The following ZNF821 variants were observed in gnomAD, a reference collection of about 807,000 sequenced individuals.
ZNF821 encodes zinc finger protein 821.
Under a neutral mutation model 44.3 loss-of-function variants are expected in ZNF821, and 16 were observed. That is an observed-to-expected ratio of 0.36 (90% confidence interval 0.24 to 0.55). ZNF821 has a LOEUF of 0.55. ZNF821 is among the 20% of genes least tolerant of loss of function. ZNF821 has a pLI of 0.86. For synonymous variants in ZNF821, 204 were observed against 197.6 expected, an observed-to-expected ratio of 1.03 and a Z score of -0.27; for missense variants, 436 against 547.6, an observed-to-expected ratio of 0.80 and a Z score of 2.03.
In ZNF821 at chr16:71,879,813, C is replaced by T. The variant is rs568142428; in HGVS notation, c.40+94G>A. ...TTTACATTTAAACTTTTCTTCTTCA[C>T]AAATTAGCGTGAGCTTCTCCCCTAA... On this transcript the variant is annotated intron_variant, in intron 3 of 7. Coordinates refer to ENST00000425432, the MANE Select transcript of ZNF821 (RefSeq NM_001201552.2). 9.1e-4 allele frequency: 1,099 copies of T among 1,201,596 alleles called. 2 individuals are homozygous for T. The highest frequency in any genetic ancestry group is 1.2e-3 in the Non-Finnish European group (1,035 of 861,006). The allele number at this position is 1,201,596 out of a possible 1,614,324, so 74.4% of individuals were successfully genotyped here.
At chr16:71,893,029 CTTT>C (rs1199482590) in intron 1 of ZNF821, among the ~76,000 whole-genome samples, 3 of 65,904 alleles carry the variant, frequency 4.6e-5, no homozygotes, top group Non-Finnish European at 2.6e-5. Flanking sequence ...CCCTGCCTGG[CTTT>C]TTTTTTTTTT....
At position 71,865,068 on chromosome 16, in the gene ZNF821, C is replaced by T. The variant is rs1172534382; in HGVS notation, c.167-20G>A. On this transcript the variant is annotated intron_variant, in intron 4 of 7. Transcript: ENST00000425432. The stretch of plus-strand genomic sequence containing the variant: ...TGTCACCTGGAACACACAAACTGGT[C>T]ACTTGTTCTGATTTTTGCATGAATA... The T allele has an allele frequency of 1.2e-6, 2 of 1,614,002 alleles. No homozygotes were observed. The highest frequency in any genetic ancestry group is 8.5e-7 in the Non-Finnish European group (1 of 1,179,902).
At chr16:71,887,259 CTTTT>C (rs60449301), upstream of ZNF821, among the ~76,000 whole-genome samples, 1 of 124,876 alleles carries the variant, frequency 8.0e-6, no homozygotes, top group Admixed American at 9.0e-5. Flanking sequence ...TATATTCAAC[CTTTT>C]TTTTTTTTTT....
intron 4 of ZNF821, 57 bp from the exon 5 acceptor site, chr16:71,865,105 G>A: frequency 6.2e-7 from 1 of 1,603,448 alleles, no homozygotes; most frequent in Non-Finnish European, 8.5e-7. Context: ...ATCCTGAGCT[G>A]CTCTCCACCC....
At chr16:71,892,026 C>T (rs1315293157) in intron 1 of ZNF821, among the ~76,000 whole-genome samples, 2 of 115,614 alleles carry the variant, frequency 1.7e-5, no homozygotes, top group Non-Finnish European at 3.5e-5. Context: ...AAAAAATTAG[C>T]TGGACTTGGT....
chr16:71,873,333 A>C (rs1286517347), intron 3 of ZNF821, among the ~76,000 whole-genome samples: 1 of 152,120 alleles, frequency 6.6e-6, no homozygotes, highest in East Asian at 1.9e-4. Flanking sequence ...AAAAAAAAAA[A>C]ACTGTACTCA....
intron 1 of ZNF821, among the ~76,000 whole-genome samples, chr16:71,892,571 AT>A (rs986384229): frequency 3.8e-3 from 471 of 122,434 alleles, no homozygotes; most frequent in Middle Eastern, 5.7e-3. Context: ...CCCGGCCAAA[AT>A]TTTTTTTTTT....
intron 3 of ZNF821, among the ~76,000 whole-genome samples, chr16:71,873,639 G>T (rs2035467011): frequency 6.6e-6 from 1 of 151,994 alleles, no homozygotes; most frequent in Non-Finnish European, 1.5e-5. Context: ...TACAGCAGTG[G>T]GATTCTTTTT....
chr16:71,860,266 G>A lies in ZNF821; in HGVS notation c.991C>T (p.Arg331Trp), dbSNP rs1597116376. Residue 331 changes from arginine to tryptophan, a missense_variant, in exon 8 of 8, where the codon CGG becomes TGG. Arg to Trp is a moderately radical substitution (Grantham distance 101, BLOSUM62 -3). Transcript: ENST00000425432. The surrounding 1 kb of genome is among the most constrained non-coding windows in gnomAD (Gnocchi z 7.3). ...QRDREAMRLK[R>W]ANETPEKRQA... is the part of the protein sequence containing the mutation. ...CGCTTTTCCGGGGTTTCATTGGCCCGCTTCAGCCTCATGGCCTCCCGATCC... is the reference window on the plus strand; with the variant it reads ...CGCTTTTCCGGGGTTTCATTGGCCCACTTCAGCCTCATGGCCTCCCGATCC... 6.2e-7 allele frequency: 1 copy of A among 1,613,986 alleles called. No individual in the cohort carries two copies.
Position 71,859,833 on chromosome 16 carries a change from C to A in ZNF821, c.*185G>T, listed in dbSNP as rs2033628319. 7 of 674,128 alleles carry A rather than the reference C, an allele frequency of 1.0e-5. No individual in the cohort carries two copies. The highest frequency in any genetic ancestry group is 1.7e-5 in the Non-Finnish European group (7 of 410,802). 41.8% of individuals were successfully genotyped at this position (674,128 alleles called of 1,614,324 possible). ...TGTCCAGAGCTGCCTTGAGCCAGGT[C>A]CCTCCTGACCCCATCATCCTGTTCC... is the stretch of plus-strand genomic sequence containing the variant. On this transcript the variant is annotated 3_prime_UTR_variant, in exon 8 of 8. Transcript: ENST00000425432.
Position 71,893,029 on chromosome 16 carries a change from C to CTTTTTTT in ZNF821, n.448+1853_448+1859dup, listed in dbSNP as rs1199482590. Among the ~76,000 whole-genome samples, 26 of 65,918 alleles carry CTTTTTTT rather than the reference C, an allele frequency of 3.9e-4. 4 individuals carry two copies. The highest frequency in any genetic ancestry group is 6.2e-4 in the African/African-American group (10 of 16,032). 43.2% of individuals were successfully genotyped at this position (65,918 alleles called of 152,430 possible). A position where few individuals can be genotyped will look rare whatever the true frequency, so the allele number is the denominator to read the frequency against. ...TACAGGCATGAGCCACCCTGCCTGGCTTTTTTTTTTTTTTTTTTGAGATAT... is the reference window on the plus strand; with the variant it reads ...TACAGGCATGAGCCACCCTGCCTGGCTTTTTTTTTTTTTTTTTTTTTTTTTGAGATAT... On this transcript the variant is annotated intron_variant and non_coding_transcript_variant, in intron 1 of 2. Coordinates refer to the ZNF821 transcript ENST00000561700.
intron 1 of ZNF821, among the ~76,000 whole-genome samples, chr16:71,892,537 C>T (rs1392366621): frequency 2.7e-5 from 4 of 148,800 alleles, no homozygotes; most frequent in East Asian, 2.0e-4. Context: ...CAAAGTGCTG[C>T]GATTACAGGT....
At chr16:71,863,823 G>C (rs886094226) in intron 6 of ZNF821, among the ~76,000 whole-genome samples, 4 of 151,970 alleles carry the variant, frequency 2.6e-5, no homozygotes, top group Admixed American at 2.0e-4. Context: ...ACAGCATCCC[G>C]AGTAGCTGGG....
chr16:71,868,375 G>C (rs771186560), intron 3 of ZNF821, among the ~76,000 whole-genome samples: 49 of 152,220 alleles, frequency 3.2e-4, no homozygotes, highest in Non-Finnish European at 6.5e-4. Flanking sequence ...ATAGAGGCAA[G>C]AAGGGGCAAA....
chr16:71,892,342 C>T (rs1336752615), intron 1 of ZNF821, among the ~76,000 whole-genome samples: 2 of 149,106 alleles, frequency 1.3e-5, no homozygotes, highest in East Asian at 2.0e-4. Flanking sequence ...TCTCGGCTCA[C>T]TGCAAGCTCC....
chr16:71,889,697 C>G (rs1472488065), upstream of ZNF821, among the ~76,000 whole-genome samples: 3 of 151,714 alleles, frequency 2.0e-5, no homozygotes, highest in Admixed American at 6.6e-5. Flanking sequence ...AAAAACAAAA[C>G]AACAACAAAA....
chr16:71,863,782 C>G (rs1450844492), intron 6 of ZNF821, among the ~76,000 whole-genome samples: 1 of 152,110 alleles, frequency 6.6e-6, no homozygotes, highest in Non-Finnish European at 1.5e-5. Flanking sequence ...ACTGCGACCT[C>G]CGCCTACTGG....
chr16:71,885,173 A>T (rs1179393378), upstream of ZNF821: 1 of 152,716 alleles, frequency 6.5e-6, no homozygotes, highest in African/African-American at 2.4e-5. Context: ...ACGCACTTCT[A>T]GTCAAACACC....
In ZNF821 at chr16:71,883,918, G is replaced by GGCGCT. The variant is rs1293392407; in HGVS notation, c.-156_-152dup. On this transcript the variant is annotated 5_prime_UTR_variant, in exon 1 of 8. Coordinates refer to ENST00000425432, the MANE Select transcript of ZNF821 (RefSeq NM_001201552.2). Reference sequence around the variant, plus strand: ...AGGGGGTCTTTTTACCCGGCGCCTCGGCGCTGCGCTGCGCTCTGGGTCCCT... The same window carrying GGCGCT: ...AGGGGGTCTTTTTACCCGGCGCCTCGGCGCTGCGCTGCGCTGCGCTCTGGGTCCCT... 4 of 152,230 alleles carry GGCGCT rather than the reference G, an allele frequency of 2.6e-5. No individual in the cohort carries two copies. The highest frequency in any genetic ancestry group is 4.8e-5 in the African/African-American group (2 of 41,448). The allele number at this position is 152,230 out of a possible 1,614,324, so 9.4% of individuals were successfully genotyped here.
Sources: gnomAD v4.1 joint callset for allele counts (sites outside exome capture counted in the v4.1 genomes callset) on GRCh38, gnomAD v4.1.1 for gene constraint, Gnocchi (gnomAD v3.1) non-coding constraint, MANE v1.5 for transcripts, NCBI Gene and HGNC (gene_info 2026-07-23, HGNC 2026-07-21) for gene names.